Variants in MARCHF11 observed in about 807,000 individuals in gnomAD.
The protein encoded by MARCHF11 is E3 ubiquitin-protein ligase MARCHF11.
In MARCHF11, 29 loss-of-function variants were observed where a neutral mutation model predicts 37.3. The observed-to-expected ratio is 0.78, with a 90% CI of 0.58 to 1.06. The LOEUF is 1.06. MARCHF11 is among the 50% of genes least tolerant of loss of function. The pLI, the probability that MARCHF11 is intolerant of heterozygous loss-of-function variation, is 0.00. For missense variants in MARCHF11, 482 were observed against 533.4 expected (o/e 0.90, Z 0.95); for synonymous variants, 233 against 228.0 (o/e 1.02, Z -0.20).
chr5:16,107,932 T>C (rs1737071749), intron 2 of MARCHF11, among the ~76,000 whole-genome samples: 2 of 151,986 alleles, frequency 1.3e-5, no homozygotes, highest in African/African-American at 4.8e-5. Flanking sequence ...TCCCCATCTA[T>C]CCTGTTGAGA....
rs552993389 is a variant in MARCHF11, at chr5:16,120,824, C to T, written c.694-29743G>A. On this transcript the variant is annotated intron_variant, in intron 2 of 3. Coordinates refer to ENST00000332432, the MANE Select transcript of MARCHF11 (RefSeq NM_001102562.3). ...GCCAGTGTGGACCAGAGATAAGCCG[C>T]CCCACTTGAGATCTCAAAGACCAGT... Among the ~76,000 whole-genome samples the T allele has an allele frequency of 1.9e-4, 29 of 152,268 alleles. 1 individual carries two copies. Among genetic ancestry groups the T allele is most frequent in the Admixed American group, 1.9e-3 (29 of 15,286 alleles).
At chr5:16,111,118 T>G (rs1737131069) in intron 2 of MARCHF11, among the ~76,000 whole-genome samples, 2 of 152,214 alleles carry the variant, frequency 1.3e-5, no homozygotes, top group Admixed American at 1.3e-4. Flanking sequence ...TGGGTTTGTC[T>G]TTATCAGCAG....
At chr5:16,102,273 G>T (rs139476529) in intron 2 of MARCHF11, among the ~76,000 whole-genome samples, 56 of 152,254 alleles carry the variant, frequency 3.7e-4, no homozygotes, top group African/African-American at 1.2e-3. Context: ...CTCAGTTCTT[G>T]GTTAAAGTCA....
chr5:16,167,455 T>C (rs543014510), intron 2 of MARCHF11, among the ~76,000 whole-genome samples: 66 of 152,206 alleles, frequency 4.3e-4, no homozygotes, highest in African/African-American at 1.5e-3. Flanking sequence ...CTGAGTTCTC[T>C]CTCAGTCAAG....
At chr5:16,088,608 G>A (rs1319882287) in intron 3 of MARCHF11, among the ~76,000 whole-genome samples, 1 of 152,124 alleles carries the variant, frequency 6.6e-6, no homozygotes, top group Non-Finnish European at 1.5e-5. Flanking sequence ...GCTATTGTTA[G>A]ACTAGGAGTA....
intron 2 of MARCHF11, among the ~76,000 whole-genome samples, chr5:16,146,255 G>A (rs747560723): frequency 2.6e-5 from 4 of 152,048 alleles, no homozygotes; most frequent in African/African-American, 7.2e-5. Context: ...ATGACCTCTC[G>A]CAGTGGGCTT....
chr5:16,162,523 A>G (rs893745715), intron 2 of MARCHF11, among the ~76,000 whole-genome samples: 3 of 151,988 alleles, frequency 2.0e-5, no homozygotes, highest in South Asian at 2.1e-4. Flanking sequence ...TTCACTGACC[A>G]TTCTATCTAA....
intron 2 of MARCHF11, among the ~76,000 whole-genome samples, chr5:16,146,155 G>C (rs963815580): frequency 6.6e-6 from 1 of 152,148 alleles, no homozygotes; most frequent in Non-Finnish European, 1.5e-5. Context: ...TCAGTCACGA[G>C]TGGGTGATAA....
chr5:16,144,978 A>C (rs1454668497), intron 2 of MARCHF11, among the ~76,000 whole-genome samples: 1 of 152,196 alleles, frequency 6.6e-6, no homozygotes, highest in African/African-American at 2.4e-5. Flanking sequence ...AAATCATTAG[A>C]CAAAATCTTC....
Position 16,179,656 on chromosome 5 carries a change from G to T in MARCHF11, c.-81C>A. On this transcript the variant is annotated 5_prime_UTR_variant, in exon 1 of 4. Transcript: ENST00000332432. ...CAGGGAAAGAGAGCGCGGAGGGGGC[G>T]GGAGGGAGAGGGGAAAAGGAGGGAG... 2.0e-6 allele frequency: 2 copies of T among 1,021,686 alleles called. No individual in the cohort carries two copies. Among genetic ancestry groups the T allele is most frequent in the Non-Finnish European group, 2.4e-6 (2 of 833,328 alleles). 63.3% of individuals were successfully genotyped at this position (1,021,686 alleles called of 1,614,324 possible). A position where few individuals can be genotyped will look rare whatever the true frequency, so the allele number is the denominator to read the frequency against.
chr5:16,075,137 TC>T (rs1736495890), intron 3 of MARCHF11, among the ~76,000 whole-genome samples: 1 of 152,176 alleles, frequency 6.6e-6, no homozygotes, highest in Non-Finnish European at 1.5e-5. Context: ...TATCTTGCCA[TC>T]CCTGTTTTAG....
At chr5:16,096,754 A>C (rs528065926) in intron 2 of MARCHF11, among the ~76,000 whole-genome samples, 1 of 152,372 alleles carries the variant, frequency 6.6e-6, no homozygotes, top group South Asian at 2.1e-4. Flanking sequence ...CCTTCCAACC[A>C]GTAAGCTAAG....
intron 2 of MARCHF11, among the ~76,000 whole-genome samples, chr5:16,105,018 GCTAA>G (rs1216005941): frequency 6.6e-6 from 1 of 152,200 alleles, no homozygotes; most frequent in Non-Finnish European, 1.5e-5. Context: ...GTAACAGAGC[GCTAA>G]CTGATAACTT....
intron 2 of MARCHF11, among the ~76,000 whole-genome samples, chr5:16,152,328 G>T (rs1370222486): frequency 6.6e-6 from 1 of 151,796 alleles, no homozygotes; most frequent in Non-Finnish European, 1.5e-5. Flanking sequence ...GACAAGCAAG[G>T]CTCAAAAATA....
chr5:16,111,555 TGCTGTTAAAA>T (rs1282539869), intron 2 of MARCHF11, among the ~76,000 whole-genome samples: 1 of 152,148 alleles, frequency 6.6e-6, no homozygotes. Flanking sequence ...GTGACTTGGG[TGCTGTTAAAA>T]GCATTCAGTT....
intron 2 of MARCHF11, among the ~76,000 whole-genome samples, chr5:16,101,228 A>C (rs1249545205): frequency 6.6e-6 from 1 of 152,168 alleles, no homozygotes; most frequent in Non-Finnish European, 1.5e-5. Flanking sequence ...CTAGAAGTTG[A>C]AATAAAAATG....
At chr5:16,168,074 C>T (rs1738199887) in intron 2 of MARCHF11, among the ~76,000 whole-genome samples, 1 of 152,136 alleles carries the variant, frequency 6.6e-6, no homozygotes, top group African/African-American at 2.4e-5. Flanking sequence ...ATCATCACTT[C>T]ATACTGGAAT....
intron 2 of MARCHF11, among the ~76,000 whole-genome samples, chr5:16,110,783 C>T (rs557138236): frequency 2.5e-4 from 38 of 152,266 alleles, no homozygotes; most frequent in African/African-American, 8.4e-4. Flanking sequence ...TCGAAAACTA[C>T]CAAATTATAA....
In MARCHF11 at chr5:16,149,765, C is replaced by T. The variant is rs112520826; in HGVS notation, c.693+27961G>A. Among the ~76,000 whole-genome samples the T allele has an allele frequency of 4.2e-3, 646 of 152,154 alleles. 2 individuals carry two copies. The highest frequency in any genetic ancestry group is 0.015 in the African/African-American group (618 of 41,538). ...TTATGAACAACATGCCCTGAGAAGT[C>T]CACTGGTCCCAGGAGAAAGACAGCT... On this transcript the variant is annotated intron_variant, in intron 2 of 3. Transcript: ENST00000332432.
Sources: gnomAD v4.1 joint callset for allele counts (sites outside exome capture counted in the v4.1 genomes callset) on GRCh38, gnomAD v4.1.1 for gene constraint, MANE v1.5 for transcripts, NCBI Gene and HGNC (gene_info 2026-07-23, HGNC 2026-07-21) for gene names.